The following OVCH2 variants were observed in gnomAD, a reference collection of about 807,000 sequenced individuals.
The protein encoded by OVCH2 is ovochymase 2.
In OVCH2, 88 loss-of-function variants were observed where a neutral mutation model predicts 73.7. The observed-to-expected ratio is 1.19, with a 90% CI of 1.01 to 1.43. The LOEUF (loss-of-function observed/expected upper bound fraction) is 1.43. Ranked by LOEUF, OVCH2 falls within the 40% of genes most tolerant of loss-of-function variation. The probability of loss-of-function intolerance (pLI) is 0.00; values close to 1 mark genes in which losing one functional copy is unlikely to be tolerated. For synonymous variants in OVCH2, 265 were observed against 234.5 expected (o/e 1.13, Z -1.19); for missense variants, 706 against 674.5 (o/e 1.05, Z -0.52).
the OVCH2 span, among the ~76,000 whole-genome samples, chr11:7,682,304 ACAC>A: frequency 3.3e-5 from 5 of 152,220 alleles, no homozygotes; most frequent in Admixed American, 6.5e-5. Flanking sequence ...TTCTTCCCCT[ACAC>A]CACAGCAACC....
rs748901515 is a variant in OVCH2 at position 7,696,478 on chromosome 11, T to G, written c.1128A>C (p.Glu376Asp). The change falls in exon 10 of 16, where the codon GAA (glutamate) becomes GAC (aspartate). Residue 376 changes from glutamate to aspartate, a missense_variant. Coordinates refer to ENST00000533663, the MANE Select transcript of OVCH2 (RefSeq NM_198185.7). Reference sequence around the variant, plus strand: ...AAATCCACTCACCAATGGGTCTGTCTTCTAAAGAATACATTGACAGGTAAC... The same window carrying G: ...AAATCCACTCACCAATGGGTCTGTCGTCTAAAGAATACATTGACAGGTAAC... Reference protein sequence around the residue: ...HHSYLSMYSLEDRPIGKFCGE... With the variant: ...HHSYLSMYSLDDRPIGKFCGE... 4 of 1,614,048 alleles carry G rather than the reference T, an allele frequency of 2.5e-6. No homozygotes were observed. The South Asian group carries it at 4.4e-5, about 18-fold the overall frequency.
At chr11:7,704,995 C>T (rs1054622305) in intron 1 of OVCH2, among the ~76,000 whole-genome samples, 2 of 152,160 alleles carry the variant, frequency 1.3e-5, no homozygotes, top group East Asian at 1.9e-4. Context: ...TATTTGCCCT[C>T]AATGGGTTTT....
At chr11:7,704,705 T>A in intron 1 of OVCH2, 31 bp from the exon 2 acceptor site, 1 of 1,444,714 alleles carries the variant, frequency 6.9e-7, no homozygotes, top group East Asian at 2.3e-5. Context: ...ACTAAATGAT[T>A]AGATAGCTTC....
downstream of OVCH2, among the ~76,000 whole-genome samples, chr11:7,687,143 A>G (rs1856150175): frequency 6.6e-6 from 1 of 152,170 alleles, no homozygotes; most frequent in Non-Finnish European, 1.5e-5. Flanking sequence ...CCGCAAAAAA[A>G]AAGAATATAT....
At chr11:7,698,901 T>A in intron 7 of OVCH2, 128 bp from the exon 8 acceptor site, 1 of 945,694 alleles carries the variant, frequency 1.1e-6, no homozygotes, top group Non-Finnish European at 1.6e-6. Flanking sequence ...ATCTTATCTG[T>A]GGAAAGAAGG....
chr11:7,687,477 G>T (rs1355767224), downstream of OVCH2, among the ~76,000 whole-genome samples: 4 of 152,206 alleles, frequency 2.6e-5, no homozygotes, highest in East Asian at 5.8e-4. Context: ...GGCAACAGAG[G>T]CCAGAGGCTC....
Position 7,696,494 on chromosome 11 carries a change from G to A in OVCH2, c.1112C>T (p.Ser371Leu). ...DVESCHHSYL[S>L]MYSLEDRPIG... ...GGGTCTGTCTTCTAAAGAATACATT[G>A]ACAGGTAACTGTGGTGACAAGACTC... Residue 371 changes from serine (S) to leucine (L), a missense_variant, in exon 10 of 16, where the codon TCA becomes TTA. By Grantham distance (145) the Ser-to-Leu change is moderately radical. Coordinates refer to ENST00000533663, the MANE Select transcript of OVCH2 (RefSeq NM_198185.7). 4 of 1,613,950 alleles carry A rather than the reference G, an allele frequency of 2.5e-6. No individual in the cohort carries two copies. The highest frequency in any genetic ancestry group is 3.4e-6 in the Non-Finnish European group (4 of 1,179,876).
At chr11:7,703,852 A>G (rs570946785) in intron 2 of OVCH2, 63 bp from the exon 3 acceptor site, 2 of 1,277,840 alleles carry the variant, frequency 1.6e-6, no homozygotes, top group South Asian at 2.6e-5. Context: ...AAACACGGTG[A>G]TGAAGCCTAT....
At chr11:7,695,327 T>C in intron 11 of OVCH2, 139 bp from the exon 12 acceptor site, 2 of 1,121,816 alleles carry the variant, frequency 1.8e-6, no homozygotes, top group Admixed American at 2.8e-5. Context: ...ACGTAGTGCA[T>C]GATTCTCCAG....
At chr11:7,684,740 T>A (rs2136146172), downstream of OVCH2, among the ~76,000 whole-genome samples, 1 of 152,270 alleles carries the variant, frequency 6.6e-6, no homozygotes, top group South Asian at 2.1e-4. Context: ...TATCCAGTGA[T>A]GTATGAACTG....
chr11:7,686,993 G>A (rs903125480), downstream of OVCH2, among the ~76,000 whole-genome samples: 3 of 152,090 alleles, frequency 2.0e-5, no homozygotes, highest in African/African-American at 7.2e-5. Flanking sequence ...TTCCTGGAGA[G>A]AAACATACCA....
intron 8 of OVCH2, 123 bp downstream of exon 8, chr11:7,698,627 G>T: frequency 1.1e-6 from 1 of 941,866 alleles, no homozygotes; most frequent in Non-Finnish European, 1.6e-6. Context: ...GGTGCTCCAG[G>T]TGGTAGTTTT....
rs1051126139 is a variant in OVCH2 at position 7,691,986 on chromosome 11, G to A, written c.1423C>T (p.Gln475Ter). The change falls in exon 13 of 16, where the codon CAG becomes TAG. Residue 475 changes from glutamine to a stop codon, truncating the protein, a stop_gained. Transcript: ENST00000533663. LOFTEE classifies it high-confidence loss of function. ...CCACTTTCTTCTATTTCCAGACTCT[G>A]AAATGAAAGCTGAGAAGACACGAAG... ...SKHHLIKLSF[Q>*]SLEIEESGDC... 5 of 1,567,996 alleles carry A rather than the reference G, an allele frequency of 3.2e-6. No individual in the cohort carries two copies. The South Asian group carries it at 3.5e-5, about 11-fold the overall frequency.
chr11:7,704,559 A>T lies in OVCH2; in HGVS notation c.198+6T>A. 6.3e-7 allele frequency: 1 copy of T among 1,581,826 alleles called. No individual in the cohort carries two copies. The highest frequency in any genetic ancestry group is 8.7e-7 in the Non-Finnish European group (1 of 1,152,708). ...TTCTTGATGCATAGAAGTCCTTGAGACTCACCTGCCAGGGATAGGAACCCT... is the reference window on the plus strand; with the variant it reads ...TTCTTGATGCATAGAAGTCCTTGAGTCTCACCTGCCAGGGATAGGAACCCT... On this transcript the variant is annotated splice_donor_region_variant and intron_variant, in intron 2 of 15. Transcript: ENST00000533663.
chr11:7,706,196 A>C, intron 1 of OVCH2, 111 bp downstream of exon 1: 3 of 1,135,398 alleles, frequency 2.6e-6, no homozygotes, highest in Non-Finnish European at 3.7e-6. Context: ...GATATCCAAA[A>C]TATATTTGCT....
At chr11:7,705,406 T>G (rs533195834) in intron 1 of OVCH2, 1 of 152,380 alleles carries the variant, frequency 6.6e-6, no homozygotes, top group East Asian at 1.9e-4. Context: ...AAGGTTTAGC[T>G]TAATTCTTGG....
At chr11:7,700,238 G>A in intron 7 of OVCH2, 58 bp downstream of exon 7, 1 of 1,538,712 alleles carries the variant, frequency 6.5e-7, no homozygotes, top group Non-Finnish European at 8.9e-7. Flanking sequence ...CTCTGCTGAT[G>A]CTGTCTCTGG....
At chr11:7,698,806 C>T in intron 7 of OVCH2, 33 bp from the exon 8 acceptor site, 1 of 1,608,788 alleles carries the variant, frequency 6.2e-7, no homozygotes, top group African/African-American at 1.3e-5. Context: ...CAATTGAAAG[C>T]CTGTGGTATC....
At chr11:7,697,455 C>T (rs4603298) in intron 8 of OVCH2, among the ~76,000 whole-genome samples, 143,526 of 152,276 alleles carry the variant, frequency 0.94, 68,246 homozygotes, top group East Asian at 1. Flanking sequence ...GGTTCATTCA[C>T]ACCCTCCATT....
Sources: allele counts gnomAD v4.1 joint callset (sites outside exome capture counted in the v4.1 genomes callset), GRCh38; gene constraint gnomAD v4.1.1; transcripts MANE v1.5; gene names NCBI Gene and HGNC (gene_info 2026-07-23, HGNC 2026-07-21).